Variants in WDFY4 observed in about 807,000 individuals in gnomAD.
WDFY4 encodes WDFY family member 4, also known as WD repeat- and FYVE domain-containing protein 4.
WDFY4 carries 169 observed loss-of-function variants against 351.9 expected under a neutral mutation model. The observed-to-expected ratio is 0.48, with a 90% CI of 0.42 to 0.55. WDFY4 has a LOEUF of 0.55. Ranked by LOEUF, WDFY4 falls within the 20% of genes least tolerant of loss-of-function variation. WDFY4 has a pLI of 0.00. For synonymous variants in WDFY4, 1,622 were observed against 1,574.6 expected, an observed-to-expected ratio of 1.03 and a Z score of -0.71; for missense variants, 3,803 against 3,935.6, an observed-to-expected ratio of 0.97 and a Z score of 0.90.
intron 47 of WDFY4, among the ~76,000 whole-genome samples, chr10:48,940,777 G>C (rs1840711298): frequency 6.6e-6 from 1 of 152,168 alleles, no homozygotes; most frequent in Non-Finnish European, 1.5e-5. Flanking sequence ...GGAGGCTGAG[G>C]AGCTGGGCTC....
chr10:48,819,421 G>A (rs1159588181), intron 32 of WDFY4, among the ~76,000 whole-genome samples: 1 of 152,224 alleles, frequency 6.6e-6, no homozygotes, highest in Non-Finnish European at 1.5e-5. Context: ...CTCCCTAGGT[G>A]CCATTAAATT....
chr10:48,891,031 TACTC>T (rs1415360416), intron 44 of WDFY4, among the ~76,000 whole-genome samples: 3 of 152,194 alleles, frequency 2.0e-5, no homozygotes, highest in Non-Finnish European at 4.4e-5. Context: ...GCCGTCAACT[TACTC>T]ACTCAACGAC....
chr10:48,909,719 G>C (rs1240272445), intron 47 of WDFY4: 1 of 153,664 alleles, frequency 6.5e-6, no homozygotes, highest in Non-Finnish European at 1.4e-5. Flanking sequence ...ATTACCAAAA[G>C]GATGGCACCA....
chr10:48,943,282 G>A lies in WDFY4; in HGVS notation c.7630-48G>A, dbSNP rs1489449914. On this transcript the variant is annotated intron_variant, in intron 48 of 61. Coordinates refer to ENST00000325239, the MANE Select transcript of WDFY4 (RefSeq NM_001394531.1). ...TGAGGGTGGGACCCATGGCTTTGCA[G>A]GAGCATCAAACGTATTTGGTTTATC... 9.1e-6 allele frequency: 14 copies of A among 1,544,496 alleles called. 1 individual carries two copies. In the South Asian group the frequency reaches 1.7e-4, roughly 19 times the overall value.
At chr10:48,873,392 C>A (rs1489797545) in intron 40 of WDFY4, 99 bp from the exon 41 acceptor site, 1 of 1,321,652 alleles carries the variant, frequency 7.6e-7, no homozygotes, top group Non-Finnish European at 1.0e-6. Flanking sequence ...CTCAAACATT[C>A]ATGGGAGACT....
At chr10:48,912,758 G>C (rs1178558131) in intron 47 of WDFY4, among the ~76,000 whole-genome samples, 1 of 152,260 alleles carries the variant, frequency 6.6e-6, no homozygotes, top group Non-Finnish European at 1.5e-5. Flanking sequence ...TTCACAGCCA[G>C]TCAGAGGTCT....
intron 1 of WDFY4, among the ~76,000 whole-genome samples, chr10:48,704,107 C>T (rs2063556998): frequency 6.6e-6 from 1 of 152,156 alleles, no homozygotes; most frequent in South Asian, 2.1e-4. Context: ...TCCCTGCAGC[C>T]CTTCAGCTTC....
intron 1 of WDFY4, among the ~76,000 whole-genome samples, chr10:48,693,239 G>A (rs2063242913): frequency 6.6e-6 from 1 of 152,176 alleles, no homozygotes; most frequent in African/African-American, 2.4e-5. Context: ...TGCTGGAGTT[G>A]TGCTGTAAAG....
At chr10:48,752,552 C>T (rs771598000) in intron 12 of WDFY4, among the ~76,000 whole-genome samples, 1 of 152,146 alleles carries the variant, frequency 6.6e-6, no homozygotes, top group East Asian at 1.9e-4. Flanking sequence ...ATTCTTTTCC[C>T]CAGTCCCTGG....
At chr10:48,971,007 T>C (rs1404973203) in intron 57 of WDFY4, among the ~76,000 whole-genome samples, 4 of 152,182 alleles carry the variant, frequency 2.6e-5, no homozygotes, top group African/African-American at 9.7e-5. Flanking sequence ...AACTATTATT[T>C]CCACTTTCAG....
chr10:48,732,850 G>C (rs749948556), intron 9 of WDFY4, among the ~76,000 whole-genome samples: 2 of 152,214 alleles, frequency 1.3e-5, no homozygotes, highest in Non-Finnish European at 1.5e-5. Flanking sequence ...ATGGAGGCCA[G>C]GATGGACCCA....
rs57927796 is a variant in WDFY4, at chr10:48,946,991, T to TACACACACAC, written c.7977+42_7977+51dup. 153 of 1,100,362 alleles carry TACACACACAC rather than the reference T, an allele frequency of 1.4e-4. 1 individual carries two copies. In the African/African-American group the frequency reaches 2.0e-3, roughly 14 times the overall value. The allele number at this position is 1,100,362 out of a possible 1,614,324, so 68.2% of individuals were successfully genotyped here. On this transcript the variant is annotated intron_variant, in intron 51 of 61. Transcript: ENST00000325239. ...GCAGGTGAGCTGCTGCCACTCTCTG[T>TACACACACAC]ACACACACACACACACACACACACA... is the stretch of plus-strand genomic sequence containing the variant.
At chr10:48,841,218 G>A (rs541072281) in intron 39 of WDFY4, among the ~76,000 whole-genome samples, 4 of 152,200 alleles carry the variant, frequency 2.6e-5, no homozygotes, top group Non-Finnish European at 5.9e-5. Context: ...GGGCTGTTCA[G>A]CTCTTGAGTG....
At chr10:48,977,287 A>C (rs1421646963) in intron 59 of WDFY4, among the ~76,000 whole-genome samples, 3 of 152,224 alleles carry the variant, frequency 2.0e-5, no homozygotes, top group Non-Finnish European at 4.4e-5. Context: ...CCAATGCTAA[A>C]AGGAGATATT....
chr10:48,698,792 G>A (rs1012641359), intron 1 of WDFY4, among the ~76,000 whole-genome samples: 13 of 152,174 alleles, frequency 8.5e-5, no homozygotes, highest in African/African-American at 1.2e-4. Flanking sequence ...TGTATCCGCC[G>A]AGGCTCTCCA....
intron 23 of WDFY4, among the ~76,000 whole-genome samples, chr10:48,793,956 G>A (rs1158696497): frequency 6.6e-6 from 1 of 152,194 alleles, no homozygotes; most frequent in East Asian, 1.9e-4. Context: ...TAGGATGGGT[G>A]TTCTTAATAT....
At chr10:48,749,383 C>A in intron 12 of WDFY4, among the ~76,000 whole-genome samples, 1 of 151,868 alleles carries the variant, frequency 6.6e-6, no homozygotes, top group Middle Eastern at 3.2e-3. Flanking sequence ...TAAACATACA[C>A]CTTACACATA....
intron 47 of WDFY4, chr10:48,913,590 A>G (rs573021438): frequency 1.9e-6 from 3 of 1,614,044 alleles, no homozygotes; most frequent in East Asian, 2.2e-5. Context: ...GATGGAGTCT[A>G]TGAATATTTC....
chr10:48,772,844 A>G (rs1487092414), intron 13 of WDFY4, among the ~76,000 whole-genome samples: 2 of 151,154 alleles, frequency 1.3e-5, no homozygotes, highest in South Asian at 2.1e-4. Context: ...GTGATTTCCA[A>G]TTTCATCCAT....
Sources: allele counts gnomAD v4.1 joint callset (sites outside exome capture counted in the v4.1 genomes callset), GRCh38; gene constraint gnomAD v4.1.1; transcripts MANE v1.5; gene names NCBI Gene and HGNC (gene_info 2026-07-23, HGNC 2026-07-21).